PALD1: variants seen among roughly 807,000 people sequenced by gnomAD.
PALD1 encodes the protein paladin.
In PALD1, 57 loss-of-function variants were observed where a neutral mutation model predicts 96.0. The ratio of observed to expected loss-of-function variants is 0.59; its 90% CI spans 0.48 to 0.74. PALD1 has a LOEUF of 0.74. PALD1 is among the 30% of genes least tolerant of loss of function. The probability of loss-of-function intolerance (pLI) is 0.00; values close to 1 mark genes in which losing one functional copy is unlikely to be tolerated. For synonymous variants in PALD1, 464 were observed against 473.6 expected (o/e 0.98, Z 0.26); for missense variants, 1,063 against 1,143.7 (o/e 0.93, Z 1.02).
At position 70,529,209 on chromosome 10, in the gene PALD1, C is replaced by T; in HGVS notation, c.186-20C>T. The T allele has an allele frequency of 1.1e-3, 5 of 4,428 alleles. No homozygotes were observed. The highest frequency in any genetic ancestry group is 5.5e-3 in the South Asian group (1 of 182). 0.3% of individuals were successfully genotyped at this position (4,428 alleles called of 1,614,324 possible). ...GTTGCTTGACTCAGTTTCCATTCTG[C>T]CCCCCCCCCCCCCCCCCAGGTACAA... is the stretch of plus-strand genomic sequence containing the variant. On this transcript the variant is annotated intron_variant, in intron 2 of 19. Coordinates refer to ENST00000263563, the MANE Select transcript of PALD1 (RefSeq NM_014431.3).
chr10:70,473,081 G>T, the PALD1 span, among the ~76,000 whole-genome samples: 1 of 152,186 alleles, frequency 6.6e-6, no homozygotes, highest in Non-Finnish European at 1.5e-5. Context: ...CTTGTCTGAT[G>T]CAGAAGCCAG....
chr10:70,478,686 C>G (rs1202032439), upstream of PALD1: 1 of 152,002 alleles, frequency 6.6e-6, no homozygotes, highest in Admixed American at 6.5e-5. Flanking sequence ...CTGAGCCCCC[C>G]GCCCCTCGCG....
chr10:70,514,277 A>G (rs1400317653), intron 1 of PALD1, among the ~76,000 whole-genome samples: 1 of 152,244 alleles, frequency 6.6e-6, no homozygotes, highest in Non-Finnish European at 1.5e-5. Flanking sequence ...GAAGGCTGGA[A>G]GTCAGGGCTG....
At chr10:70,487,636 A>G (rs964969880) in intron 1 of PALD1, among the ~76,000 whole-genome samples, 5 of 152,056 alleles carry the variant, frequency 3.3e-5, no homozygotes, top group Non-Finnish European at 7.4e-5. Flanking sequence ...CCTAAAGGAA[A>G]ACTCCACCTA....
chr10:70,549,970 A>G (rs527760693), intron 18 of PALD1, among the ~76,000 whole-genome samples: 9 of 152,198 alleles, frequency 5.9e-5, no homozygotes, highest in Admixed American at 1.3e-4. Flanking sequence ...CAGTGGGAGG[A>G]CACAGATCCC....
intron 7 of PALD1, 90 bp from the exon 8 acceptor site, chr10:70,533,832 G>T (rs1847048743): frequency 8.1e-7 from 1 of 1,234,320 alleles, no homozygotes; most frequent in African/African-American, 1.6e-5. Flanking sequence ...GTGGGGCAGG[G>T]TGGGCTGATG....
At chr10:70,566,511 C>T in intron 19 of PALD1, 70 bp from the exon 20 acceptor site, 2 of 1,208,706 alleles carry the variant, frequency 1.7e-6, no homozygotes. Flanking sequence ...GACTCATCTT[C>T]AGAACTCAGT....
At position 70,511,677 on chromosome 10, in the gene PALD1, C is replaced by A. The variant is rs111505021; in HGVS notation, c.-29-14246C>A. Among the ~76,000 whole-genome samples, 860 of 152,258 alleles carry A rather than the reference C, an allele frequency of 5.6e-3. 5 individuals are homozygous for A. The highest frequency in any genetic ancestry group is 9.4e-3 in the Non-Finnish European group (636 of 68,004). On this transcript the variant is annotated intron_variant, in intron 1 of 19. Coordinates refer to ENST00000263563, the MANE Select transcript of PALD1 (RefSeq NM_014431.3). ...TGCTGTGTCCTCTTATGGCAGAAGG[C>A]AGAAGGGCAGGTGAGCATGTGAAAC...
At position 70,547,412 on chromosome 10, in the gene PALD1, A is replaced by C. The variant is rs752481796; in HGVS notation, c.2228A>C (p.His743Pro). 1.2e-5 allele frequency: 20 copies of C among 1,612,396 alleles called. No individual in the cohort carries two copies. The highest frequency in any genetic ancestry group is 1.7e-5 in the Admixed American group (1 of 59,968). Residue 743 changes from histidine (H) to proline (P), a missense_variant, in exon 18 of 20, where the codon CAC (histidine) becomes CCC (proline). Physicochemically the swap from His to Pro is moderately conservative, Grantham distance 77 (BLOSUM62 -2). Transcript: ENST00000263563. ...VSETMTPMHY[H>P]LREIIICTYR... The stretch of plus-strand genomic sequence containing the variant: ...GAGACCATGACGCCCATGCACTACC[A>C]CCTGCGGGAGATCATCATCTGCACC...
At position 70,541,211 on chromosome 10, in the gene PALD1, T is replaced by C; in HGVS notation, c.2018T>C (p.Val673Ala). Residue 673 changes from valine to alanine, a missense_variant, in exon 16 of 20, where the codon GTG becomes GCG. Val to Ala is a moderately conservative substitution (Grantham distance 64, BLOSUM62 0). Transcript: ENST00000263563. ...SGQGRTTTAM[V>A]VAVLAFWHIQ... ...CAGGGCCGTACCACAACTGCGATGGTGGTGGCTGTCCTGGCCTTCTGGCAC... is the reference window on the plus strand; with the variant it reads ...CAGGGCCGTACCACAACTGCGATGGCGGTGGCTGTCCTGGCCTTCTGGCAC... 2.5e-6 allele frequency: 4 copies of C among 1,612,858 alleles called. No individual in the cohort carries two copies. Among genetic ancestry groups the C allele is most frequent in the Non-Finnish European group, 3.4e-6 (4 of 1,179,472 alleles).
intron 1 of PALD1, among the ~76,000 whole-genome samples, chr10:70,498,427 G>A (rs1380654672): frequency 2.0e-5 from 3 of 152,094 alleles, no homozygotes; most frequent in Non-Finnish European, 4.4e-5. Flanking sequence ...CCACAGGAGT[G>A]TGCGCCACAC....
rs774062386 is a variant in PALD1, at chr10:70,525,994, G to A, written c.43G>A (p.Gly15Ser). 5.0e-6 allele frequency: 8 copies of A among 1,614,088 alleles called. No individual in the cohort carries two copies. The highest frequency in any genetic ancestry group is 6.8e-6 in the Non-Finnish European group (8 of 1,180,048). The change falls in exon 2 of 20, where the codon GGC becomes AGC. Residue 15 changes from glycine to serine, a missense_variant. Physicochemically the swap from Gly to Ser is moderately conservative, Grantham distance 56 (BLOSUM62 0). Transcript: ENST00000263563. ...CACAGCCCAGCAGACGGTCTCGGCA[G>A]GCACCCCATTTGAGGGCCTACAGGG... Reference protein sequence around the residue: ...ASTAQQTVSAGTPFEGLQGSG... With the variant: ...ASTAQQTVSASTPFEGLQGSG...
chr10:70,478,787 T>TGGGGAGCAGCGCGGCGCGCACGGGCC lies in PALD1; in HGVS notation c.-297_-272dup, dbSNP rs1845871955. 2 of 151,198 alleles carry TGGGGAGCAGCGCGGCGCGCACGGGCC rather than the reference T, an allele frequency of 1.3e-5. No individual in the cohort carries two copies. Among genetic ancestry groups the TGGGGAGCAGCGCGGCGCGCACGGGCC allele is most frequent in the South Asian group, 4.1e-4 (2 of 4,822 alleles). 9.4% of individuals were successfully genotyped at this position (151,198 alleles called of 1,614,324 possible). On this transcript the variant is annotated 5_prime_UTR_variant, in exon 1 of 20. Transcript: ENST00000263563. ...CCCTCGGCGTTGGGTAGCGGGGCGC[T>TGGGGAGCAGCGCGGCGCGCACGGGCC]GGGGAGCAGCGCGGCGCGCACGGGC...
intron 1 of PALD1, among the ~76,000 whole-genome samples, chr10:70,492,256 T>C (rs942618770): frequency 1.3e-5 from 2 of 152,076 alleles, no homozygotes; most frequent in Non-Finnish European, 2.9e-5. Context: ...GTCCCTGACT[T>C]ATGGTGGTTC....
At chr10:70,549,459 G>A (rs973880837) in intron 18 of PALD1, among the ~76,000 whole-genome samples, 3 of 152,214 alleles carry the variant, frequency 2.0e-5, no homozygotes, top group Non-Finnish European at 4.4e-5. Context: ...TGCAGCCCTC[G>A]ATGTCCACTG....
the PALD1 span, among the ~76,000 whole-genome samples, chr10:70,466,716 C>G: frequency 2.6e-5 from 4 of 152,138 alleles, no homozygotes; most frequent in Non-Finnish European, 5.9e-5. Flanking sequence ...TGGCAGGCAG[C>G]CCTCCTTGAG....
At chr10:70,467,216 C>T in the PALD1 span, among the ~76,000 whole-genome samples, 1 of 151,952 alleles carries the variant, frequency 6.6e-6, no homozygotes, top group Non-Finnish European at 1.5e-5. Flanking sequence ...GGGAAAGAGG[C>T]CCCCTGGGGA....
chr10:70,538,307 A>G lies in PALD1; in HGVS notation c.1351A>G (p.Ser451Gly). ...CCCGCTGGCCTTTGCCCTCAGTTTC[A>G]GCCGCTGGCTGTGTGCCCACCCTGA... ...QYPLAFALSF[S>G]RWLCAHPELY... The change falls in exon 12 of 20, where the codon AGC becomes GGC. Residue 451 changes from serine (S) to glycine (G), a missense_variant. Physicochemically the swap from Ser to Gly is moderately conservative, Grantham distance 56. Coordinates refer to ENST00000263563, the MANE Select transcript of PALD1 (RefSeq NM_014431.3). The G allele has an allele frequency of 6.2e-7, 1 of 1,604,730 alleles. No individual in the cohort carries two copies. Among genetic ancestry groups the G allele is most frequent in the South Asian group, 1.1e-5 (1 of 91,072 alleles).
At chr10:70,463,792 A>G in the PALD1 span, among the ~76,000 whole-genome samples, 4 of 152,136 alleles carry the variant, frequency 2.6e-5, no homozygotes, top group African/African-American at 9.7e-5. Context: ...AGGCCTCTCC[A>G]AGGAGGCGAC....
Sources: gnomAD v4.1 joint callset for allele counts (sites outside exome capture counted in the v4.1 genomes callset) on GRCh38, gnomAD v4.1.1 for gene constraint, MANE v1.5 for transcripts, NCBI Gene and HGNC (gene_info 2026-07-23, HGNC 2026-07-21) for gene names.